The following BACH2 variants were observed in gnomAD, a reference collection of about 807,000 sequenced individuals.
BACH2 encodes the protein BACH transcriptional regulator 2.
A neutral mutation model predicts 61.8 loss-of-function variants in BACH2; 5 were observed. The observed-to-expected ratio is 0.08, with a 90% confidence interval of 0.04 to 0.17. BACH2 has a LOEUF of 0.17. BACH2 is among the 10% of genes least tolerant of loss of function. BACH2 has a pLI of 1.00. For synonymous variants in BACH2, 446 were observed against 440.1 expected (o/e 1.01, Z -0.17); for missense variants, 824 against 1,091.1 (o/e 0.76, Z 3.45).
Position 90,248,493 on chromosome 6 carries a change from T to C in BACH2, c.-275+4020A>G, listed in dbSNP as rs950388517. The stretch of plus-strand genomic sequence containing the variant: ...ATGAAATTAAAATTCTAATAAGGGC[T>C]GGGAAAGAAAGGAGAAAGCAAAGTA... On this transcript the variant is annotated intron_variant, in intron 3 of 8. Transcript: ENST00000257749. Among the ~76,000 whole-genome samples, 7 of 152,160 alleles carry C rather than the reference T, an allele frequency of 4.6e-5. No homozygotes were observed. In the South Asian group the frequency reaches 1.5e-3, roughly 32 times the overall value.
chr6:90,152,591 T>C (rs1291976790), intron 4 of BACH2, among the ~76,000 whole-genome samples: 1 of 152,212 alleles, frequency 6.6e-6, no homozygotes, highest in Non-Finnish European at 1.5e-5. Flanking sequence ...AGTTTTACTT[T>C]TTAAAAATCA....
chr6:90,216,054 G>A (rs1047771812), intron 3 of BACH2, among the ~76,000 whole-genome samples: 1 of 152,138 alleles, frequency 6.6e-6, no homozygotes, highest in African/African-American at 2.4e-5. Flanking sequence ...AATGCAACAA[G>A]GGCACAACCA....
At chr6:90,064,409 A>G (rs946728281) in intron 5 of BACH2, among the ~76,000 whole-genome samples, 4 of 152,238 alleles carry the variant, frequency 2.6e-5, no homozygotes, top group African/African-American at 7.2e-5. Context: ...TCTGAGGAAT[A>G]TGGTCCAGAC....
chr6:90,132,383 C>T (rs915602857), intron 4 of BACH2, among the ~76,000 whole-genome samples: 5 of 152,190 alleles, frequency 3.3e-5, no homozygotes, highest in African/African-American at 1.2e-4. Flanking sequence ...GGGTTACATA[C>T]CAGCCACCCC....
At position 90,165,029 on chromosome 6, in the gene BACH2, C is replaced by T. The variant is rs1485977259; in HGVS notation, c.-162+41540G>A. 2.0e-5 allele frequency among the ~76,000 whole-genome samples: 3 copies of T among 152,334 alleles called. No individual in the cohort carries two copies. The East Asian group carries it at 5.8e-4, about 29-fold the overall frequency. ...AAGACAGGGATGCCCTGTCTCACCA[C>T]TCTTATTCAACATAGTGTTGGAAGT... On this transcript the variant is annotated intron_variant, in intron 4 of 8. Coordinates refer to ENST00000257749, the MANE Select transcript of BACH2 (RefSeq NM_021813.4).
intron 4 of BACH2, among the ~76,000 whole-genome samples, chr6:90,100,817 T>C (rs532176530): frequency 1.3e-5 from 2 of 152,230 alleles, no homozygotes; most frequent in East Asian, 1.9e-4. Context: ...ACTCTGTATT[T>C]AACATTTTGA....
rs926718832 is a variant in BACH2, at chr6:90,248,234, G to A, written c.-275+4279C>T. ...TCAACCAATTAACTAATCTGCTGTC[G>A]TTTTTTCAGTACTTAACACTCCTGA... On this transcript the variant is annotated intron_variant, in intron 3 of 8. Coordinates refer to ENST00000257749, the MANE Select transcript of BACH2 (RefSeq NM_021813.4). Among the ~76,000 whole-genome samples the A allele has an allele frequency of 7.9e-5, 12 of 152,032 alleles. 1 individual carries two copies. Among genetic ancestry groups the A allele is most frequent in the South Asian group, 4.1e-4 (2 of 4,824 alleles).
chr6:89,989,883 T>C (rs1776448792), intron 6 of BACH2, among the ~76,000 whole-genome samples: 1 of 152,338 alleles, frequency 6.6e-6, no homozygotes, highest in African/African-American at 2.4e-5. Context: ...GAGCCTGCTC[T>C]TGAGGAACGA....
At chr6:90,139,759 G>A (rs1395281079) in intron 4 of BACH2, among the ~76,000 whole-genome samples, 1 of 152,094 alleles carries the variant, frequency 6.6e-6, no homozygotes, top group Non-Finnish European at 1.5e-5. Context: ...TGGGGGTGGA[G>A]GTCCTCTAAT....
intron 5 of BACH2, among the ~76,000 whole-genome samples, chr6:90,086,765 G>A (rs978256063): frequency 6.6e-6 from 1 of 151,822 alleles, no homozygotes; most frequent in Non-Finnish European, 1.5e-5. Flanking sequence ...TCTGCGGAGT[G>A]GCAGAGCAGG....
chr6:90,179,484 T>C (rs1307000775), intron 4 of BACH2, among the ~76,000 whole-genome samples: 1 of 152,184 alleles, frequency 6.6e-6, no homozygotes, highest in Non-Finnish European at 1.5e-5. Context: ...CTAACTGATC[T>C]ACCAAAACAA....
intron 5 of BACH2, among the ~76,000 whole-genome samples, chr6:90,041,954 T>C (rs902135548): frequency 6.6e-6 from 1 of 152,228 alleles, no homozygotes; most frequent in Admixed American, 6.5e-5. Flanking sequence ...ACTTAATTCA[T>C]TTATTTCTAT....
At chr6:90,129,017 A>G (rs1783987308) in intron 4 of BACH2, among the ~76,000 whole-genome samples, 1 of 152,022 alleles carries the variant, frequency 6.6e-6, no homozygotes. Context: ...AACAATGAGA[A>G]CACTTGGACA....
chr6:90,122,749 G>T (rs577822278), intron 4 of BACH2, among the ~76,000 whole-genome samples: 1 of 152,280 alleles, frequency 6.6e-6, no homozygotes, highest in South Asian at 2.1e-4. Context: ...CCCTCTGATG[G>T]CTGAGAAAAC....
chr6:89,938,905 C>T (rs750041330), intron 7 of BACH2, among the ~76,000 whole-genome samples: 14 of 152,178 alleles, frequency 9.2e-5, no homozygotes, highest in Non-Finnish European at 2.1e-4. Flanking sequence ...GGGCTTTCAT[C>T]CTTCTCACCA....
At chr6:90,112,783 G>GC (rs1419620763) in intron 4 of BACH2, among the ~76,000 whole-genome samples, 2 of 152,092 alleles carry the variant, frequency 1.3e-5, no homozygotes, top group African/African-American at 2.4e-5. Context: ...CGAGCTAAAT[G>GC]CCCCACTTAA....
At position 90,256,749 on chromosome 6, in the gene BACH2, TTTG is replaced by T. The variant is rs1219606484; in HGVS notation, c.-352-4162_-352-4160del. Among the ~76,000 whole-genome samples, 4 of 152,184 alleles carry T rather than the reference TTTG, an allele frequency of 2.6e-5. No homozygotes were observed. In the East Asian group the frequency reaches 7.7e-4, roughly 29 times the overall value. ...TATCCATCATCTCAGTTACCCTATT[TTTG>T]TTTTTATGTTAAGAGCAGCTAAAAT... On this transcript the variant is annotated intron_variant, in intron 2 of 8. Coordinates refer to ENST00000257749, the MANE Select transcript of BACH2 (RefSeq NM_021813.4).
chr6:90,163,658 T>A (rs1767489562), intron 4 of BACH2, among the ~76,000 whole-genome samples: 1 of 152,166 alleles, frequency 6.6e-6, no homozygotes, highest in Admixed American at 6.5e-5. Flanking sequence ...TACATTCCCA[T>A]CCTGTGAAAT....
At chr6:90,121,348 C>T (rs1385018995) in intron 4 of BACH2, among the ~76,000 whole-genome samples, 1 of 152,158 alleles carries the variant, frequency 6.6e-6, no homozygotes, top group African/African-American at 2.4e-5. Flanking sequence ...GGCTCTGACT[C>T]TGTAACCAGC....
Sources: allele counts gnomAD v4.1 joint callset (sites outside exome capture counted in the v4.1 genomes callset), GRCh38; gene constraint gnomAD v4.1.1; transcripts MANE v1.5; gene names NCBI Gene and HGNC (gene_info 2026-07-23, HGNC 2026-07-21).